Variants in SPINK9 observed in about 807,000 individuals in gnomAD.
SPINK9 encodes serine peptidase inhibitor Kazal type 9, also known as serine protease inhibitor Kazal-type 9.
A neutral mutation model predicts 10.8 loss-of-function variants in SPINK9; 3 were observed. That is an observed-to-expected ratio of 0.28 (90% confidence interval 0.13 to 0.72). The LOEUF (loss-of-function observed/expected upper bound fraction) is 0.72, where lower values mean the gene tolerates loss of function less well. Ranked by LOEUF, SPINK9 falls within the 30% of genes least tolerant of loss-of-function variation. The probability of loss-of-function intolerance (pLI) is 0.74; values close to 1 mark genes in which losing one functional copy is unlikely to be tolerated. For missense variants in SPINK9, 101 were observed against 103.2 expected (o/e 0.98, Z 0.09); for synonymous variants, 30 against 31.2 (o/e 0.96, Z 0.12).
upstream of SPINK9, among the ~76,000 whole-genome samples, chr5:148,331,161 AC>A (rs1214642539): frequency 6.6e-6 from 1 of 152,116 alleles, no homozygotes. Flanking sequence ...TGCAGAAATC[AC>A]CCATCTTCTG....
chr5:148,339,617 A>G, intron 3 of SPINK9, 50 bp from the exon 4 acceptor site: 1 of 1,543,162 alleles, frequency 6.5e-7, no homozygotes, highest in South Asian at 1.1e-5. Flanking sequence ...ATGCTAATGA[A>G]ATGCCTATGG....
chr5:148,327,980 G>T (rs1416016582), intron 2 of SPINK9, among the ~76,000 whole-genome samples: 2 of 150,892 alleles, frequency 1.3e-5, no homozygotes, highest in Non-Finnish European at 3.0e-5. Flanking sequence ...GATTGACTTG[G>T]CAATGCGGGC....
intron 1 of SPINK9, among the ~76,000 whole-genome samples, chr5:148,323,142 A>C (rs1267460293): frequency 6.6e-6 from 1 of 152,190 alleles, no homozygotes; most frequent in African/African-American, 2.4e-5. Context: ...CGCTAGACAA[A>C]AATGCTGATT....
intron 2 of SPINK9, among the ~76,000 whole-genome samples, chr5:148,325,115 T>C (rs1201659085): frequency 6.6e-6 from 1 of 152,148 alleles, no homozygotes; most frequent in Non-Finnish European, 1.5e-5. Context: ...CAGTATTTCA[T>C]TCCTTTATAC....
At chr5:148,334,612 G>A (rs571683042), upstream of SPINK9, among the ~76,000 whole-genome samples, 68 of 152,026 alleles carry the variant, frequency 4.5e-4, 1 homozygote, top group Non-Finnish European at 8.8e-4. Flanking sequence ...TTGGGAGGCT[G>A]AGTCAGGAAA....
upstream of SPINK9, among the ~76,000 whole-genome samples, chr5:148,334,545 T>C (rs1451032389): frequency 6.6e-6 from 1 of 152,058 alleles, no homozygotes. Flanking sequence ...ATCCGGTCTG[T>C]ACTAAAAATG....
At chr5:148,333,899 T>A (rs1309080032), upstream of SPINK9, among the ~76,000 whole-genome samples, 1 of 152,236 alleles carries the variant, frequency 6.6e-6, no homozygotes, top group Non-Finnish European at 1.5e-5. Flanking sequence ...CTTATAGCAG[T>A]TACACTAGTA....
At chr5:148,327,034 T>C (rs1433349461) in intron 2 of SPINK9, among the ~76,000 whole-genome samples, 1 of 152,184 alleles carries the variant, frequency 6.6e-6, no homozygotes, top group African/African-American at 2.4e-5. Context: ...TACCCAGTAA[T>C]GGGATGGCTG....
intron 2 of SPINK9, among the ~76,000 whole-genome samples, chr5:148,324,714 T>G (rs1400135652): frequency 6.6e-6 from 1 of 151,612 alleles, no homozygotes; most frequent in African/African-American, 2.4e-5. Flanking sequence ...ATGGGTCTTA[T>G]TATTATTATT....
At chr5:148,331,154 A>T (rs1305368252), upstream of SPINK9, among the ~76,000 whole-genome samples, 1 of 152,258 alleles carries the variant, frequency 6.6e-6, no homozygotes, top group African/African-American at 2.4e-5. Context: ...TTGGAAATGC[A>T]GAAATCACCC....
At chr5:148,335,504 C>G, upstream of SPINK9, 1 of 939,454 alleles carries the variant, frequency 1.1e-6, no homozygotes, top group Admixed American at 2.1e-5. Context: ...TGCTATTTCA[C>G]AATTGAGGCA....
intron 1 of SPINK9, among the ~76,000 whole-genome samples, chr5:148,323,394 G>A (rs1757020995): frequency 6.6e-6 from 1 of 152,118 alleles, no homozygotes; most frequent in Non-Finnish European, 1.5e-5. Flanking sequence ...GGCAATAGAT[G>A]TATATTATTA....
chr5:148,338,650 T>G, intron 3 of SPINK9, 45 bp downstream of exon 3: 2 of 1,417,556 alleles, frequency 1.4e-6, no homozygotes, highest in Non-Finnish European at 1.9e-6. Flanking sequence ...GGTAAAAGTA[T>G]ATATTAAGAC....
intron 2 of SPINK9, among the ~76,000 whole-genome samples, chr5:148,338,120 G>C (rs1276787578): frequency 2.0e-5 from 3 of 152,042 alleles, no homozygotes; most frequent in Non-Finnish European, 4.4e-5. Context: ...GAAATAGTAG[G>C]ATAATTCCTA....
At chr5:148,324,241 G>T (rs865836393) in intron 2 of SPINK9, among the ~76,000 whole-genome samples, 1 of 151,944 alleles carries the variant, frequency 6.6e-6, no homozygotes, top group Non-Finnish European at 1.5e-5. Context: ...GTATAACTTG[G>T]AACATACAAA....
chr5:148,334,794 A>G (rs1757194877), upstream of SPINK9, among the ~76,000 whole-genome samples: 1 of 152,184 alleles, frequency 6.6e-6, no homozygotes, highest in African/African-American at 2.4e-5. Context: ...AAGATAAAAT[A>G]CAGTCTCTAA....
At chr5:148,324,265 C>T (rs979879914) in intron 2 of SPINK9, among the ~76,000 whole-genome samples, 5 of 152,002 alleles carry the variant, frequency 3.3e-5, no homozygotes, top group Non-Finnish European at 7.4e-5. Flanking sequence ...TATACACATT[C>T]GTTTACATAG....
chr5:148,326,931 G>T (rs1451743181), intron 2 of SPINK9, among the ~76,000 whole-genome samples: 8 of 151,852 alleles, frequency 5.3e-5, no homozygotes, highest in Non-Finnish European at 1.2e-4. Flanking sequence ...CATTTGGGTT[G>T]GTTCCAAGTC....
At chr5:148,336,792 A>C (rs1185415581) in intron 2 of SPINK9, among the ~76,000 whole-genome samples, 1 of 152,228 alleles carries the variant, frequency 6.6e-6, no homozygotes, top group African/African-American at 2.4e-5. Context: ...GAAACTCAAT[A>C]AGGGCAAGTC....
Sources: gnomAD v4.1 joint callset for allele counts (sites outside exome capture counted in the v4.1 genomes callset) on GRCh38, gnomAD v4.1.1 for gene constraint, MANE v1.5 for transcripts, NCBI Gene and HGNC (gene_info 2026-07-23, HGNC 2026-07-21) for gene names.